The following FOXN3 variants were observed in gnomAD, a reference collection of about 807,000 sequenced individuals.
The protein encoded by FOXN3 is forkhead box N3, also known as forkhead box protein N3.
Under a neutral mutation model 38.4 loss-of-function variants are expected in FOXN3, and 7 were observed. That is an observed-to-expected ratio of 0.18 (90% CI 0.10 to 0.34). The LOEUF (loss-of-function observed/expected upper bound fraction) is 0.34, where lower values mean the gene tolerates loss of function less well. Among genes scored for constraint, FOXN3 ranks in the 10% least tolerant of loss-of-function variants. The pLI is 1.00. For missense variants in FOXN3, 456 were observed against 613.4 expected (o/e 0.74, Z 2.71); for synonymous variants, 230 against 242.2 (o/e 0.95, Z 0.47).
In FOXN3 at chr14:89,323,564, C is replaced by G. The variant is rs550237721; in HGVS notation, c.680+27108G>C. 4.6e-5 allele frequency among the ~76,000 whole-genome samples: 7 copies of G among 151,426 alleles called. No homozygotes were observed. In the East Asian group the frequency reaches 1.4e-3, roughly 30 times the overall value. On this transcript the variant is annotated intron_variant, in intron 3 of 5. Coordinates refer to ENST00000557258, the MANE Select transcript of FOXN3 (RefSeq NM_005197.4). Reference sequence around the variant, plus strand: ...TGAAACCCCGTCTCTACTAAAAATACAAAAATTAGCTGGGCGTGGTGGCAC... The same window carrying G: ...TGAAACCCCGTCTCTACTAAAAATAGAAAAATTAGCTGGGCGTGGTGGCAC...
intron 1 of FOXN3, among the ~76,000 whole-genome samples, chr14:89,506,162 C>T (rs1379063063): frequency 1.9e-5 from 2 of 104,334 alleles, no homozygotes; most frequent in Admixed American, 2.0e-4. Flanking sequence ...TGAGGAGCCC[C>T]TCTGCCCGGC....
chr14:89,567,423 A>G (rs1041351524), intron 1 of FOXN3, among the ~76,000 whole-genome samples: 1 of 140,644 alleles, frequency 7.1e-6, no homozygotes, highest in African/African-American at 2.6e-5. Flanking sequence ...GGAAGACTGT[A>G]CTAGGTACAA....
In FOXN3 at chr14:89,468,071, GA is replaced by G. The variant is rs1484126504; in HGVS notation, c.-14-55582del. On this transcript the variant is annotated intron_variant, in intron 1 of 6. Coordinates refer to the FOXN3 transcript ENST00000345097. Reference sequence around the variant, plus strand: ...ATATATACATGCATCTACATAATTTGATTATTTTTTTTTTTATAAATAGGAT... The same window carrying G: ...ATATATACATGCATCTACATAATTTGTTATTTTTTTTTTTATAAATAGGAT... 1.5e-3 allele frequency among the ~76,000 whole-genome samples: 226 copies of G among 150,838 alleles called. 2 individuals carry two copies. The highest frequency in any genetic ancestry group is 5.1e-3 in the African/African-American group (209 of 40,856).
At chr14:89,387,903 C>T (rs192862210) in intron 2 of FOXN3, among the ~76,000 whole-genome samples, 5 of 152,336 alleles carry the variant, frequency 3.3e-5, no homozygotes, top group Admixed American at 2.0e-4. Context: ...CTAAATGGGG[C>T]TGGGCACAGT....
At chr14:89,410,972 T>C (rs1411716464) in intron 2 of FOXN3, among the ~76,000 whole-genome samples, 1 of 152,210 alleles carries the variant, frequency 6.6e-6, no homozygotes, top group African/African-American at 2.4e-5. Flanking sequence ...GTACAAACTA[T>C]GGCTTTAAAG....
chr14:89,363,988 A>ATAT (rs1420813459), intron 2 of FOXN3, among the ~76,000 whole-genome samples: 16 of 52,044 alleles, frequency 3.1e-4, no homozygotes, highest in South Asian at 4.6e-4. Flanking sequence ...ATATATATAT[A>ATAT]ATATATATAT....
chr14:89,192,366 TTAAC>T, intron 4 of FOXN3, among the ~76,000 whole-genome samples: 1 of 145,252 alleles, frequency 6.9e-6, no homozygotes, highest in South Asian at 2.1e-4. Context: ...AGTTTATATA[TTAAC>T]TATTTTATAT....
chr14:89,592,185 G>A (rs1182044193), intron 1 of FOXN3, among the ~76,000 whole-genome samples: 1 of 152,080 alleles, frequency 6.6e-6, no homozygotes, highest in Non-Finnish European at 1.5e-5. Flanking sequence ...AAGACAAAAA[G>A]ATGATTAAGA....
At position 89,412,203 on chromosome 14, in the gene FOXN3, C is replaced by T. The variant is rs749735437; in HGVS notation, c.274G>A (p.Asp92Asn). The change falls in exon 2 of 6, where the codon GAT becomes AAT. Residue 92 changes from aspartate to asparagine, a missense_variant. Transcript: ENST00000557258. This position sits in a 1 kb window ranked among gnomAD's most constrained non-coding sequence, Gnocchi z 4.7. ...TGGGCAGGGGATGGGGGGGTGTCATCGTCCAGGTCCTGGACGGGGCTGACA... is the reference window on the plus strand; with the variant it reads ...TGGGCAGGGGATGGGGGGGTGTCATTGTCCAGGTCCTGGACGGGGCTGACA... Reference protein sequence around the residue: ...RSVSPVQDLDDDTPPSPAHSD... With the variant: ...RSVSPVQDLDNDTPPSPAHSD... 23 of 1,613,734 alleles carry T rather than the reference C, an allele frequency of 1.4e-5. No homozygotes were observed. Among genetic ancestry groups the T allele is most frequent in the Middle Eastern group, 1.6e-4 (1 of 6,082 alleles).
intron 1 of FOXN3, chr14:89,494,251 A>G (rs1052440579): frequency 2.0e-5 from 3 of 152,222 alleles, no homozygotes; most frequent in Admixed American, 6.5e-5. Context: ...ATGGAAACAA[A>G]CACAGCTAGG....
chr14:89,398,349 G>C (rs192347158), intron 2 of FOXN3, among the ~76,000 whole-genome samples: 24 of 152,332 alleles, frequency 1.6e-4, no homozygotes, highest in Admixed American at 1.6e-3. Context: ...AGGACAACTT[G>C]TATTGGACAG....
chr14:89,401,431 G>GCAACAA, intron 2 of FOXN3: 1 of 359,910 alleles, frequency 2.8e-6, no homozygotes, highest in Non-Finnish European at 5.5e-6. Flanking sequence ...TGACTCAACA[G>GCAACAA]CAACAACAAC....
At chr14:89,253,177 C>T (rs1885512816) in intron 4 of FOXN3, among the ~76,000 whole-genome samples, 1 of 152,180 alleles carries the variant, frequency 6.6e-6, no homozygotes, top group African/African-American at 2.4e-5. Context: ...TGCGAAACAG[C>T]CTGCACCTGG....
intron 1 of FOXN3, among the ~76,000 whole-genome samples, chr14:89,551,228 C>T (rs976445987): frequency 2.6e-5 from 4 of 152,180 alleles, no homozygotes; most frequent in African/African-American, 7.2e-5. Context: ...AGGTGGAGGA[C>T]AACATCCTTT....
chr14:89,221,884 G>A (rs111649754), intron 4 of FOXN3, among the ~76,000 whole-genome samples: 30,368 of 150,714 alleles, frequency 0.2, 3,091 homozygotes, highest in East Asian at 0.33. Context: ...GTGCAGTGGC[G>A]CGATCTCGGC....
intron 1 of FOXN3, among the ~76,000 whole-genome samples, chr14:89,495,154 T>C (rs1893654376): frequency 6.6e-6 from 1 of 152,178 alleles, no homozygotes; most frequent in African/African-American, 2.4e-5. Flanking sequence ...CTTGGGCTGG[T>C]TAATAATATT....
intron 4 of FOXN3, among the ~76,000 whole-genome samples, chr14:89,237,753 A>G (rs935072053): frequency 1.3e-5 from 2 of 152,246 alleles, no homozygotes; most frequent in Non-Finnish European, 2.9e-5. Context: ...GAAAGGATTA[A>G]TAAAGTAGTA....
At chr14:89,295,261 T>C (rs150909140) in intron 3 of FOXN3, among the ~76,000 whole-genome samples, 17 of 152,326 alleles carry the variant, frequency 1.1e-4, no homozygotes, top group African/African-American at 4.1e-4. Context: ...GGACACCTTA[T>C]CTGGTCACTC....
Position 89,247,026 on chromosome 14 carries a change from T to C in FOXN3, c.745+33924A>G, listed in dbSNP as rs375722563. 5.3e-5 allele frequency among the ~76,000 whole-genome samples: 8 copies of C among 152,224 alleles called. No homozygotes were observed. The East Asian group carries it at 1.2e-3, about 22-fold the overall frequency. ...CTCCCTCTTTCCTTTCTTTCTTCCA[T>C]CAAACATTCATCCACCCAATAGTCA... On this transcript the variant is annotated intron_variant, in intron 4 of 5. Transcript: ENST00000557258.
Sources: allele counts gnomAD v4.1 joint callset (sites outside exome capture counted in the v4.1 genomes callset), GRCh38; gene constraint gnomAD v4.1.1; non-coding constraint Gnocchi (gnomAD v3.1); transcripts MANE v1.5; gene names NCBI Gene and HGNC (gene_info 2026-07-23, HGNC 2026-07-21).